MYO9A: variants seen among roughly 807,000 people sequenced by gnomAD.
MYO9A encodes the protein myosin IXA.
Under a neutral mutation model 293.3 loss-of-function variants are expected in MYO9A, and 103 were observed. The ratio of observed to expected loss-of-function variants is 0.35; its 90% confidence interval spans 0.30 to 0.41. The LOEUF (loss-of-function observed/expected upper bound fraction) is 0.41, where lower values mean the gene tolerates loss of function less well. Ranked by LOEUF, MYO9A falls within the 10% of genes least tolerant of loss-of-function variation. The probability of loss-of-function intolerance (pLI) is 1.00; values close to 1 mark genes in which losing one functional copy is unlikely to be tolerated. For missense variants in MYO9A, 2,685 were observed against 3,033.0 expected, an observed-to-expected ratio of 0.89 and a Z score of 2.69; for synonymous variants, 1,001 against 1,035.7, an observed-to-expected ratio of 0.97 and a Z score of 0.64.
intron 23 of MYO9A, among the ~76,000 whole-genome samples, chr15:71,900,701 A>T (rs916271013): frequency 1.1e-4 from 17 of 152,208 alleles, no homozygotes; most frequent in African/African-American, 3.6e-4. Flanking sequence ...TAATCCTGAC[A>T]CACATTCCAA....
intron 39 of MYO9A, among the ~76,000 whole-genome samples, chr15:71,831,472 T>C (rs1403194630): frequency 3.3e-5 from 5 of 152,178 alleles, no homozygotes; most frequent in African/African-American, 9.7e-5. Context: ...ATGGTGTGGG[T>C]TGCTGCCTGG....
At chr15:71,936,159 T>C (rs976801211) in intron 16 of MYO9A, among the ~76,000 whole-genome samples, 14 of 152,074 alleles carry the variant, frequency 9.2e-5, no homozygotes, top group African/African-American at 3.1e-4. Context: ...AATCCTATCA[T>C]TTGGACAACA....
intron 1 of MYO9A, among the ~76,000 whole-genome samples, chr15:72,073,026 A>G (rs143295822): frequency 2.8e-4 from 43 of 152,310 alleles, no homozygotes; most frequent in African/African-American, 9.4e-4. Flanking sequence ...TGACCTCCCT[A>G]TAAGTAGACA....
At chr15:71,885,117 TTAAC>T (rs753762729) in intron 27 of MYO9A, among the ~76,000 whole-genome samples, 7 of 152,070 alleles carry the variant, frequency 4.6e-5, no homozygotes, top group Non-Finnish European at 8.8e-5. Flanking sequence ...TTGAATTGCT[TTAAC>T]TAATTCTTCT....
intron 35 of MYO9A, among the ~76,000 whole-genome samples, 161 bp downstream of exon 35, chr15:71,854,216 G>C (rs762511123): frequency 6.6e-6 from 1 of 152,006 alleles, no homozygotes; most frequent in African/African-American, 2.4e-5. Flanking sequence ...TGAAACCAAA[G>C]ACTCTTTAGA....
In MYO9A at chr15:71,845,352, A is replaced by G. The variant is rs570044328; in HGVS notation, c.6837+3493T>C. On this transcript the variant is annotated intron_variant, in intron 39 of 41. Transcript: ENST00000356056. ...ATTTATATCTTGCATATGAAAAGGA[A>G]TTATTCTCATCAAATATTTCTGTGA... 1.1e-4 allele frequency among the ~76,000 whole-genome samples: 17 copies of G among 148,620 alleles called. No individual in the cohort carries two copies. In the East Asian group the frequency reaches 3.3e-3, roughly 29 times the overall value.
intron 3 of MYO9A, among the ~76,000 whole-genome samples, chr15:72,028,218 A>AATATATATATATATATATATATAAATAT (rs33914430): frequency 3.7e-5 from 5 of 134,244 alleles, no homozygotes; most frequent in South Asian, 4.7e-4. Context: ...TAAATAAATA[A>AATATATATATATATATATATATAAATAT]ATATATATAT....
intron 14 of MYO9A, among the ~76,000 whole-genome samples, chr15:71,956,561 G>A (rs904758647): frequency 1.1e-4 from 16 of 149,814 alleles, no homozygotes; most frequent in East Asian, 9.8e-4. Flanking sequence ...CAAGAGAATC[G>A]CTTGAACCTG....
intron 32 of MYO9A, among the ~76,000 whole-genome samples, chr15:71,864,008 A>G (rs2056238673): frequency 6.6e-6 from 1 of 152,346 alleles, no homozygotes; most frequent in African/African-American, 2.4e-5. Context: ...TTAACCTTCA[A>G]AGACACCATT....
chr15:71,972,175 C>T (rs2076028989), intron 12 of MYO9A: 1 of 152,062 alleles, frequency 6.6e-6, no homozygotes, highest in Non-Finnish European at 1.5e-5. Context: ...GTAATGAAGC[C>T]TCCATAAAAA....
chr15:71,893,634 A>C, intron 26 of MYO9A, 45 bp downstream of exon 26: 1 of 1,441,064 alleles, frequency 6.9e-7, no homozygotes, highest in Non-Finnish European at 9.7e-7. Context: ...AATAATGTAC[A>C]TCTCTTTTGT....
At chr15:72,085,774 A>C (rs1291674027) in intron 1 of MYO9A, among the ~76,000 whole-genome samples, 1 of 152,194 alleles carries the variant, frequency 6.6e-6, no homozygotes, top group Non-Finnish European at 1.5e-5. Flanking sequence ...CAATCTTTGA[A>C]GATGCTGTCC....
At chr15:71,960,343 T>C (rs1352031929) in intron 13 of MYO9A, 1 of 453,288 alleles carries the variant, frequency 2.2e-6, no homozygotes. Flanking sequence ...ATCTGGTTAT[T>C]TAAAAGTGTG....
intron 1 of MYO9A, among the ~76,000 whole-genome samples, chr15:72,047,936 A>C (rs561807153): frequency 1.1e-3 from 165 of 151,720 alleles, no homozygotes; most frequent in Non-Finnish European, 2.1e-3. Flanking sequence ...TTGCCTGGCT[A>C]ATTTTTGTAT....
chr15:72,027,122 C>T (rs907233264), intron 4 of MYO9A, among the ~76,000 whole-genome samples: 2 of 151,986 alleles, frequency 1.3e-5, no homozygotes, highest in African/African-American at 4.8e-5. Flanking sequence ...AGTTATATAC[C>T]CTTATTTCAT....
intron 18 of MYO9A, among the ~76,000 whole-genome samples, chr15:71,931,795 A>T (rs1005013037): frequency 6.6e-6 from 1 of 152,192 alleles, no homozygotes; most frequent in Non-Finnish European, 1.5e-5. Context: ...TTTTCTGCAC[A>T]TTAGATAACC....
At chr15:71,903,803 C>CA in intron 21 of MYO9A, 126 bp downstream of exon 21, 1 of 794,664 alleles carries the variant, frequency 1.3e-6, no homozygotes, top group Non-Finnish European at 2.0e-6. Flanking sequence ...ATTCCGTATA[C>CA]AAAACGTGAA....
chr15:71,883,069 G>A (rs1398226090), intron 28 of MYO9A, among the ~76,000 whole-genome samples: 1 of 152,110 alleles, frequency 6.6e-6, no homozygotes, highest in Non-Finnish European at 1.5e-5. Flanking sequence ...CTCCCAAAGC[G>A]CTGGGATTAC....
chr15:72,066,635 T>A (rs1040462713), intron 1 of MYO9A, among the ~76,000 whole-genome samples: 9 of 152,162 alleles, frequency 5.9e-5, no homozygotes, highest in Non-Finnish European at 1.2e-4. Context: ...GAGGAAGTTA[T>A]ATAGGCAGGG....
Sources: allele counts gnomAD v4.1 joint callset (sites outside exome capture counted in the v4.1 genomes callset), GRCh38; gene constraint gnomAD v4.1.1; transcripts MANE v1.5; gene names NCBI Gene and HGNC (gene_info 2026-07-23, HGNC 2026-07-21).